The following PDE4B variants were observed in gnomAD, a reference collection of about 807,000 sequenced individuals.
The protein encoded by PDE4B is phosphodiesterase 4B, also known as 3',5'-cyclic-AMP phosphodiesterase 4B.
Under a neutral mutation model 82.2 loss-of-function variants are expected in PDE4B, and 20 were observed. That is an observed-to-expected ratio of 0.24 (90% CI 0.17 to 0.35). The LOEUF is 0.35. PDE4B is among the 10% of genes least tolerant of loss of function. PDE4B has a pLI of 1.00. For synonymous variants in PDE4B, 320 were observed against 318.9 expected (o/e 1.00, Z -0.04); for missense variants, 655 against 907.2 (o/e 0.72, Z 3.57).
chr1:66,207,507 A>G (rs1649645888), intron 3 of PDE4B, among the ~76,000 whole-genome samples: 1 of 152,204 alleles, frequency 6.6e-6, no homozygotes, highest in Admixed American at 6.5e-5. Flanking sequence ...ACAGGAATTT[A>G]TTGTATTTTT....
chr1:66,112,055 T>A (rs1459057123), intron 3 of PDE4B, among the ~76,000 whole-genome samples: 4 of 152,096 alleles, frequency 2.6e-5, no homozygotes, highest in Non-Finnish European at 5.9e-5. Flanking sequence ...AAGAGCAATG[T>A]ATATAAAAAG....
chr1:66,081,855 T>C (rs1656757611), intron 3 of PDE4B, among the ~76,000 whole-genome samples: 1 of 151,882 alleles, frequency 6.6e-6, no homozygotes, highest in Non-Finnish European at 1.5e-5. Flanking sequence ...TGTGTGTGTG[T>C]GTGTGTGTGT....
At chr1:66,021,388 G>A (rs1204775184) in intron 3 of PDE4B, among the ~76,000 whole-genome samples, 2 of 152,116 alleles carry the variant, frequency 1.3e-5, no homozygotes, top group Admixed American at 6.6e-5. Context: ...TGAAGTCCTT[G>A]CCCATGCCTA....
At chr1:65,970,475 C>G (rs1385865177) in intron 3 of PDE4B, among the ~76,000 whole-genome samples, 1 of 152,014 alleles carries the variant, frequency 6.6e-6, no homozygotes, top group Non-Finnish European at 1.5e-5. Context: ...ATTCACTTAA[C>G]CAGCCAAAAG....
chr1:65,993,958 T>G (rs1651392180), intron 3 of PDE4B, among the ~76,000 whole-genome samples: 1 of 152,158 alleles, frequency 6.6e-6, no homozygotes, highest in Non-Finnish European at 1.5e-5. Flanking sequence ...ATTAAATCAC[T>G]TTTACTGTGA....
At position 66,182,271 on chromosome 1, in the gene PDE4B, C is replaced by T. The variant is rs185714490; in HGVS notation, c.282-65189C>T. Among the ~76,000 whole-genome samples the T allele has an allele frequency of 5.9e-4, 89 of 152,124 alleles. 1 individual carries two copies. The East Asian group carries it at 0.014, about 24-fold the overall frequency. On this transcript the variant is annotated intron_variant, in intron 3 of 16. Transcript: ENST00000341517. The stretch of plus-strand genomic sequence containing the variant: ...ATATCTGTACCTATTTTTTTCTGAA[C>T]ATTTGGACATTTCTTGGAAACACGT...
intron 3 of PDE4B, among the ~76,000 whole-genome samples, chr1:66,013,625 G>A (rs1652611413): frequency 6.6e-6 from 1 of 151,860 alleles, no homozygotes; most frequent in South Asian, 2.1e-4. Context: ...TACCACTTAA[G>A]CAACCACTCC....
intron 3 of PDE4B, among the ~76,000 whole-genome samples, chr1:66,140,423 G>A (rs1043477918): frequency 2.0e-5 from 3 of 152,114 alleles, no homozygotes; most frequent in Admixed American, 6.5e-5. Context: ...CATTACATAA[G>A]CAGCATAAAA....
At chr1:66,102,323 T>C (rs537691199) in intron 3 of PDE4B, among the ~76,000 whole-genome samples, 1 of 152,172 alleles carries the variant, frequency 6.6e-6, no homozygotes, top group African/African-American at 2.4e-5. Context: ...AGAATGGATG[T>C]GTATACCTAA....
At chr1:65,961,904 TAACA>T (rs1321426190) in intron 3 of PDE4B, among the ~76,000 whole-genome samples, 4 of 152,068 alleles carry the variant, frequency 2.6e-5, no homozygotes, top group African/African-American at 9.7e-5. Context: ...ACGCAGTAAA[TAACA>T]AACAGTTAAG....
intron 1 of PDE4B, among the ~76,000 whole-genome samples, chr1:65,836,012 GT>G (rs1272723795): frequency 6.6e-6 from 1 of 151,960 alleles, no homozygotes; most frequent in Non-Finnish European, 1.5e-5. Context: ...AATGGTCTCA[GT>G]TTACTGCAAC....
At chr1:66,316,102 C>A (rs539364868) in intron 7 of PDE4B, among the ~76,000 whole-genome samples, 95 of 152,312 alleles carry the variant, frequency 6.2e-4, no homozygotes, top group African/African-American at 2.3e-3. Flanking sequence ...GTAATTCATT[C>A]ATTCAATAAG....
At chr1:65,901,164 G>A (rs797014677) in intron 1 of PDE4B, among the ~76,000 whole-genome samples, 9 of 151,984 alleles carry the variant, frequency 5.9e-5, no homozygotes, top group African/African-American at 2.2e-4. Context: ...TTTTCATGAA[G>A]GGATGTTGGA....
chr1:66,369,500 G>A (rs1206238613), intron 16 of PDE4B, among the ~76,000 whole-genome samples: 2 of 152,268 alleles, frequency 1.3e-5, no homozygotes, highest in African/African-American at 4.8e-5. Flanking sequence ...TGTGTCCAAA[G>A]CAACACATTC....
At chr1:65,903,866 A>G (rs966641140) in intron 1 of PDE4B, among the ~76,000 whole-genome samples, 8 of 152,178 alleles carry the variant, frequency 5.3e-5, no homozygotes, top group African/African-American at 1.9e-4. Context: ...GCTTCTAGGT[A>G]GGGAATCACT....
At chr1:66,031,241 G>A (rs1304605786) in intron 3 of PDE4B, among the ~76,000 whole-genome samples, 1 of 152,152 alleles carries the variant, frequency 6.6e-6, no homozygotes, top group Admixed American at 6.5e-5. Flanking sequence ...TTTTAGGTGA[G>A]AGGAAAACAC....
At chr1:66,259,577 CTGGCTGAG>C (rs772227795) in intron 6 of PDE4B, among the ~76,000 whole-genome samples, 4 of 152,188 alleles carry the variant, frequency 2.6e-5, no homozygotes, top group Non-Finnish European at 5.9e-5. Context: ...CTCACCAAAC[CTGGCTGAG>C]TGGCCCTCAT....
In PDE4B at chr1:66,052,245, A is replaced by G. The variant is rs116454420; in HGVS notation, c.281+133410A>G. On this transcript the variant is annotated intron_variant, in intron 3 of 16. Transcript: ENST00000341517. The stretch of plus-strand genomic sequence containing the variant: ...AATGTCCGTAAAGTTTTACTTTTAA[A>G]ATCAGTTTTCACATGTATGCATAGC... 7.0e-3 allele frequency among the ~76,000 whole-genome samples: 1,062 copies of G among 152,340 alleles called. 17 individuals are homozygous for G. The highest frequency in any genetic ancestry group is 0.024 in the African/African-American group (988 of 41,582).
intron 3 of PDE4B, among the ~76,000 whole-genome samples, chr1:66,164,535 C>CAAAAAAAAAAAAAAAAAAAAA (rs10718019): frequency 1.0e-3 from 49 of 48,562 alleles, no homozygotes; most frequent in Non-Finnish European, 1.2e-3. Context: ...GACTCCGTCT[C>CAAAAAAAAAAAAAAAAAAAAA]AAAAAAAAAA....
Sources: gnomAD v4.1 joint callset for allele counts (sites outside exome capture counted in the v4.1 genomes callset) on GRCh38, gnomAD v4.1.1 for gene constraint, MANE v1.5 for transcripts, NCBI Gene and HGNC (gene_info 2026-07-23, HGNC 2026-07-21) for gene names.